MEST: variants seen among roughly 807,000 people sequenced by gnomAD.
MEST encodes mesoderm specific transcript.
In MEST, 18 loss-of-function variants were observed where a neutral mutation model predicts 50.9. The ratio of observed to expected loss-of-function variants is 0.35; its 90% CI spans 0.24 to 0.52. MEST has a LOEUF of 0.52. Among genes scored for constraint, MEST ranks in the 20% least tolerant of loss-of-function variants. MEST has a pLI of 0.94. For synonymous variants in MEST, 130 were observed against 154.1 expected (o/e 0.84, Z 1.16); for missense variants, 282 against 425.3 (o/e 0.66, Z 2.96).
chr7:130,494,809 G>A, intron 1 of MEST: 1 of 984,696 alleles, frequency 1.0e-6, no homozygotes, highest in Non-Finnish European at 1.2e-6. Context: ...TAGGCAGGAG[G>A]GCTGAAAATC....
chr7:130,502,632 C>T lies in MEST; in HGVS notation c.750-12C>T. 6.2e-7 allele frequency: 1 copy of T among 1,610,472 alleles called. No homozygotes were observed. The highest frequency in any genetic ancestry group is 8.5e-7 in the Non-Finnish European group (1 of 1,176,980). On this transcript the variant is annotated splice_polypyrimidine_tract_variant and intron_variant, in intron 9 of 11. Coordinates refer to ENST00000223215, the MANE Select transcript of MEST (RefSeq NM_002402.4). The stretch of plus-strand genomic sequence containing the variant: ...TTCTTGTTCTGCACATGCTGACTTA[C>T]CTGTCCTACAGTCTCTTACAGTACA...
At chr7:130,501,473 A>G (rs948748853) in intron 9 of MEST, among the ~76,000 whole-genome samples, 2 of 152,226 alleles carry the variant, frequency 1.3e-5, no homozygotes, top group Non-Finnish European at 2.9e-5. Flanking sequence ...AAGAACAATT[A>G]AGACTGTCTT....
chr7:130,493,004 G>C (rs1407632677), intron 1 of MEST, among the ~76,000 whole-genome samples: 2 of 152,136 alleles, frequency 1.3e-5, no homozygotes, highest in African/African-American at 4.8e-5. Context: ...GCGCACCTTA[G>C]GATTTCAAGA....
chr7:130,492,501 G>A lies in MEST; in HGVS notation c.26+162G>A, dbSNP rs1307618547. 2.0e-6 allele frequency: 1 copy of A among 498,022 alleles called. No individual in the cohort carries two copies. The highest frequency in any genetic ancestry group is 3.1e-6 in the Non-Finnish European group (1 of 318,754). The allele number at this position is 498,022 out of a possible 1,614,324, so 30.9% of individuals were successfully genotyped here. ...CGCGCCCGCTCTGCCTACTTGAGGA[G>A]GGGGTGTCACTCCTGCCCGCAATGG... On this transcript the variant is annotated intron_variant, in intron 1 of 11. Transcript: ENST00000223215. The surrounding 1 kb of genome is among the most constrained non-coding windows in gnomAD (Gnocchi z 7.6).
At chr7:130,503,626 T>C (rs1478551962) in intron 10 of MEST, among the ~76,000 whole-genome samples, 10 of 152,104 alleles carry the variant, frequency 6.6e-5, no homozygotes, top group Non-Finnish European at 1.2e-4. Flanking sequence ...CTGGGCAACA[T>C]AGTGAGAAAA....
At chr7:130,492,049 G>A (rs1435534917), upstream of MEST, 1 of 225,756 alleles carries the variant, frequency 4.4e-6, no homozygotes. This position sits in a 1 kb window ranked among gnomAD's most constrained non-coding sequence, Gnocchi z 7.6. Flanking sequence ...CGGGGCGCGG[G>A]TGGGCTCTAA....
chr7:130,492,256 G>T lies in MEST; in HGVS notation c.-58G>T. ...GCTGGCCAGCTCTGCACGGCTGCGG[G>T]CTCTGCGGCGCCCGGTGCTCTGCAA... On this transcript the variant is annotated 5_prime_UTR_variant, in exon 1 of 12. Transcript: ENST00000223215. The surrounding 1 kb of genome is among the most constrained non-coding windows in gnomAD (Gnocchi z 7.6). The T allele has an allele frequency of 3.8e-6, 5 of 1,318,016 alleles. No individual in the cohort carries two copies. Among genetic ancestry groups the T allele is most frequent in the Non-Finnish European group, 4.8e-6 (5 of 1,034,812 alleles). 81.6% of individuals were successfully genotyped at this position (1,318,016 alleles called of 1,614,324 possible).
Position 130,492,283 on chromosome 7 carries a change from G to A in MEST, c.-31G>A. 27 of 1,345,994 alleles carry A rather than the reference G, an allele frequency of 2.0e-5. No homozygotes were observed. Among genetic ancestry groups the A allele is most frequent in the Non-Finnish European group, 2.3e-5 (24 of 1,049,958 alleles). 83.4% of individuals were successfully genotyped at this position (1,345,994 alleles called of 1,614,324 possible). ...TCTGCGGCGCCCGGTGCTCTGCAAC[G>A]CTGCGGCGGGCGGCATGGGATAACG... On this transcript the variant is annotated 5_prime_UTR_variant, in exon 1 of 12. Transcript: ENST00000223215. The surrounding 1 kb of genome is among the most constrained non-coding windows in gnomAD (Gnocchi z 7.6).
rs1798851665 is a variant in MEST, at chr7:130,492,269, C to T, written c.-45C>T. 3.7e-6 allele frequency: 5 copies of T among 1,339,632 alleles called. No homozygotes were observed. Among genetic ancestry groups the T allele is most frequent in the Middle Eastern group, 2.6e-4 (1 of 3,908 alleles). The allele number at this position is 1,339,632 out of a possible 1,614,324, so 83.0% of individuals were successfully genotyped here. ...GCACGGCTGCGGGCTCTGCGGCGCCCGGTGCTCTGCAACGCTGCGGCGGGC... is the reference window on the plus strand; with the variant it reads ...GCACGGCTGCGGGCTCTGCGGCGCCTGGTGCTCTGCAACGCTGCGGCGGGC... On this transcript the variant is annotated 5_prime_UTR_variant, in exon 1 of 12. Transcript: ENST00000223215. The surrounding 1 kb of genome is among the most constrained non-coding windows in gnomAD (Gnocchi z 7.6).
chr7:130,490,203 G>A (rs887313794), upstream of MEST, among the ~76,000 whole-genome samples: 6 of 152,156 alleles, frequency 3.9e-5, no homozygotes, highest in Non-Finnish European at 8.8e-5. Context: ...ATTTTGTTAA[G>A]TAACCAATTA....
chr7:130,494,998 A>G (rs182900312), intron 1 of MEST, among the ~76,000 whole-genome samples: 213 of 152,306 alleles, frequency 1.4e-3, no homozygotes, highest in Admixed American at 4.3e-3. Context: ...AAGCCTTGAT[A>G]AAAGTCAACG....
chr7:130,493,242 C>G (rs532861994), intron 1 of MEST: 1 of 152,134 alleles, frequency 6.6e-6, no homozygotes, highest in Non-Finnish European at 1.5e-5. Flanking sequence ...CAAAGTGGTT[C>G]GTCTCGCGGC....
chr7:130,498,111 C>G (rs782242013), intron 4 of MEST, 28 bp from the exon 5 acceptor site: 3 of 1,614,132 alleles, frequency 1.9e-6, no homozygotes, highest in Non-Finnish European at 2.5e-6. Context: ...TGACTTCATC[C>G]TGTGTATGTG....
chr7:130,505,499 A>AT lies in MEST; in HGVS notation c.*444dup, dbSNP rs1554439710. The stretch of plus-strand genomic sequence containing the variant: ...TCCTTCCCTCTCCTCGAATGACGTT[A>AT]TGGGCACATGCCTTTTAAAAGTTCT... On this transcript the variant is annotated 3_prime_UTR_variant, in exon 12 of 12. Transcript: ENST00000223215. 6.4e-6 allele frequency: 1 copy of AT among 155,906 alleles called. No individual in the cohort carries two copies. Among genetic ancestry groups the AT allele is most frequent in the African/African-American group, 2.4e-5 (1 of 41,486 alleles). 9.7% of individuals were successfully genotyped at this position (155,906 alleles called of 1,614,324 possible). A position where few individuals can be genotyped will look rare whatever the true frequency, so the allele number is the denominator to read the frequency against.
intron 10 of MEST, among the ~76,000 whole-genome samples, chr7:130,503,163 A>G (rs371967954): frequency 8.5e-5 from 13 of 152,226 alleles, no homozygotes; most frequent in South Asian, 8.3e-4. Context: ...TCAAGAGGCT[A>G]TAGGTGGTTT....
Position 130,500,991 on chromosome 7 carries a change from G to A in MEST, c.749+101G>A, listed in dbSNP as rs1799256659. 3.0e-6 allele frequency: 3 copies of A among 990,824 alleles called. No homozygotes were observed. The highest frequency in any genetic ancestry group is 4.5e-6 in the Non-Finnish European group (3 of 664,342). 61.4% of individuals were successfully genotyped at this position (990,824 alleles called of 1,614,324 possible). ...GCTGGCTTATTCCCTATCACAGGAAGGCTGATGATGACCTATGGGGCAAAC... is the reference window on the plus strand; with the variant it reads ...GCTGGCTTATTCCCTATCACAGGAAAGCTGATGATGACCTATGGGGCAAAC... On this transcript the variant is annotated intron_variant, in intron 9 of 11. Transcript: ENST00000223215. The surrounding 1 kb of genome is among the most constrained non-coding windows in gnomAD (Gnocchi z 5.0).
chr7:130,496,425 A>T, intron 2 of MEST: 1 of 313,734 alleles, frequency 3.2e-6, no homozygotes, highest in African/African-American at 2.3e-5. Context: ...ACTGCTTCTA[A>T]ATTATTTTTG....
chr7:130,499,438 T>C (rs939112454), intron 6 of MEST, among the ~76,000 whole-genome samples: 3 of 152,302 alleles, frequency 2.0e-5, no homozygotes, highest in South Asian at 2.1e-4. Flanking sequence ...TTCTGAGTGA[T>C]AGGGGGAAAT....
At chr7:130,502,743 T>C (rs533700723) in intron 10 of MEST, 23 bp downstream of exon 10, 7 of 1,573,792 alleles carry the variant, frequency 4.4e-6, no homozygotes, top group Admixed American at 1.7e-5. Context: ...GTATTATTGA[T>C]AGGAAACTGA....
Sources: gnomAD v4.1 joint callset for allele counts (sites outside exome capture counted in the v4.1 genomes callset) on GRCh38, gnomAD v4.1.1 for gene constraint, Gnocchi (gnomAD v3.1) non-coding constraint, MANE v1.5 for transcripts, NCBI Gene and HGNC (gene_info 2026-07-23, HGNC 2026-07-21) for gene names.